Variants in ITGA11 observed in about 807,000 individuals in gnomAD.
ITGA11 encodes integrin subunit alpha 11.
A neutral mutation model predicts 141.9 loss-of-function variants in ITGA11; 97 were observed. The ratio of observed to expected loss-of-function variants is 0.68; its 90% CI spans 0.58 to 0.81. ITGA11 has a LOEUF of 0.81. ITGA11 is among the 30% of genes least tolerant of loss of function. The pLI, the probability that ITGA11 is intolerant of heterozygous loss-of-function variation, is 0.00. For synonymous variants in ITGA11, 658 were observed against 624.6 expected (o/e 1.05, Z -0.80); for missense variants, 1,387 against 1,559.2 (o/e 0.89, Z 1.86).
At chr15:68,379,108 C>A (rs1895798376) in intron 2 of ITGA11, among the ~76,000 whole-genome samples, 1 of 152,216 alleles carries the variant, frequency 6.6e-6, no homozygotes, top group African/African-American at 2.4e-5. Flanking sequence ...AGCACCCCTC[C>A]CCATCTCACA....
intron 3 of ITGA11, among the ~76,000 whole-genome samples, chr15:68,366,742 G>A (rs192342761): frequency 6.6e-6 from 1 of 152,118 alleles, no homozygotes; most frequent in Non-Finnish European, 1.5e-5. Context: ...TCTGGGTGAG[G>A]GTCCCGGGCC....
intron 2 of ITGA11, among the ~76,000 whole-genome samples, chr15:68,401,696 G>A (rs1179664519): frequency 6.6e-6 from 1 of 152,116 alleles, no homozygotes; most frequent in Non-Finnish European, 1.5e-5. Context: ...AGGGGCACTG[G>A]CTGGGGCGGG....
At position 68,300,998 on chromosome 15, in the gene ITGA11, C is replaced by A. The variant is rs544221462; in HGVS notation, c.*2061G>T. On this transcript the variant is annotated 3_prime_UTR_variant, in exon 30 of 30. Transcript: ENST00000315757. ...CATTAATTCTCATTTAGCCAGGTTA[C>A]CCCATTCATAAGAGTGATGACGGAA... 6.6e-6 allele frequency: 1 copy of A among 152,310 alleles called. No individual in the cohort carries two copies. Among genetic ancestry groups the A allele is most frequent in the South Asian group, 2.1e-4 (1 of 4,818 alleles). 9.4% of individuals were successfully genotyped at this position (152,310 alleles called of 1,614,324 possible).
At position 68,324,877 on chromosome 15, in the gene ITGA11, T is replaced by C. The variant is rs994380918; in HGVS notation, c.2322+254A>G. On this transcript the variant is annotated intron_variant, in intron 18 of 29. Transcript: ENST00000315757. This position sits in a 1 kb window ranked among gnomAD's most constrained non-coding sequence, Gnocchi z 6.3. ...GTGCTCACCCTGTGCTCCCCTGTGC[T>C]GGGGATACGGGGAAACTTGAACAGG... 6.6e-6 allele frequency among the ~76,000 whole-genome samples: 1 copy of C among 152,134 alleles called. No individual in the cohort carries two copies. The highest frequency in any genetic ancestry group is 2.4e-5 in the African/African-American group (1 of 41,408).
intron 10 of ITGA11, among the ~76,000 whole-genome samples, chr15:68,344,239 G>A (rs1291556532): frequency 6.6e-6 from 1 of 152,098 alleles, no homozygotes; most frequent in Non-Finnish European, 1.5e-5. Context: ...AGACCATCTT[G>A]ACTGCCCGCC....
chr15:68,343,004 TC>T (rs1183360429), intron 10 of ITGA11, among the ~76,000 whole-genome samples: 22 of 23,558 alleles, frequency 9.3e-4, no homozygotes, highest in African/African-American at 2.5e-3. Flanking sequence ...TTCTTCTCTC[TC>T]TCTCTCTCTC....
At chr15:68,386,557 A>C (rs1157944030) in intron 2 of ITGA11, among the ~76,000 whole-genome samples, 1 of 152,100 alleles carries the variant, frequency 6.6e-6, no homozygotes, top group Non-Finnish European at 1.5e-5. Flanking sequence ...GAGGCTTAAA[A>C]TGCTCCCTTT....
chr15:68,357,450 C>T (rs1337442258), intron 6 of ITGA11, among the ~76,000 whole-genome samples, 151 bp from the exon 7 acceptor site: 1 of 151,970 alleles, frequency 6.6e-6, no homozygotes, highest in African/African-American at 2.4e-5. Context: ...TAACCACAGC[C>T]AAAGGGAAGT....
chr15:68,396,773 GT>G (rs889674469), intron 2 of ITGA11, among the ~76,000 whole-genome samples: 6 of 146,714 alleles, frequency 4.1e-5, no homozygotes, highest in African/African-American at 1.5e-4. Flanking sequence ...TTATGTACTA[GT>G]AAAAAAGATT....
intron 10 of ITGA11, among the ~76,000 whole-genome samples, chr15:68,347,764 T>C (rs1037973464): frequency 2.0e-5 from 3 of 152,196 alleles, no homozygotes; most frequent in Non-Finnish European, 4.4e-5. Context: ...ATGTGTAAAC[T>C]AGGAACAAGG....
intron 1 of ITGA11, among the ~76,000 whole-genome samples, chr15:68,417,652 G>A (rs79087530): frequency 0.019 from 2,871 of 151,984 alleles, 60 homozygotes; most frequent in African/African-American, 0.054. Flanking sequence ...CAGGCCCTGC[G>A]GATTTGCTTT....
At chr15:68,317,151 C>T in intron 21 of ITGA11, 114 bp downstream of exon 21, 3 of 762,638 alleles carry the variant, frequency 3.9e-6, no homozygotes, top group Middle Eastern at 4.6e-4. Flanking sequence ...CTCAGGCCTC[C>T]CATCCCTCCC....
intron 2 of ITGA11, among the ~76,000 whole-genome samples, chr15:68,375,026 C>G (rs1364920885): frequency 6.6e-6 from 1 of 152,162 alleles, no homozygotes; most frequent in Non-Finnish European, 1.5e-5. Context: ...GTTTCACAGC[C>G]AGGACTCCTC....
intron 1 of ITGA11, among the ~76,000 whole-genome samples, chr15:68,407,098 G>A (rs1180675921): frequency 6.6e-6 from 1 of 152,104 alleles, no homozygotes; most frequent in South Asian, 2.1e-4. Context: ...GAGGGTCTCC[G>A]CTTCCTGCCC....
chr15:68,386,628 C>T (rs983356928), intron 2 of ITGA11, among the ~76,000 whole-genome samples: 2 of 152,294 alleles, frequency 1.3e-5, no homozygotes, highest in African/African-American at 2.4e-5. Context: ...ACCGAGGCTC[C>T]GGTCAGTTCT....
intron 2 of ITGA11, among the ~76,000 whole-genome samples, chr15:68,389,405 G>A (rs148938320): frequency 0.013 from 1,934 of 152,314 alleles, 43 homozygotes; most frequent in African/African-American, 0.043. Context: ...GGCCAGCAGC[G>A]TGTCTGGGGA....
chr15:68,373,667 G>T (rs1229020490), intron 2 of ITGA11, among the ~76,000 whole-genome samples: 1 of 152,172 alleles, frequency 6.6e-6, no homozygotes, highest in Admixed American at 6.5e-5. Flanking sequence ...GAGTCAGGGT[G>T]GGACAAAGAC....
intron 10 of ITGA11, among the ~76,000 whole-genome samples, chr15:68,345,785 G>A (rs1894726553): frequency 6.6e-6 from 1 of 152,186 alleles, no homozygotes; most frequent in African/African-American, 2.4e-5. Context: ...GATCCCCAGA[G>A]AGGCCTAACT....
intron 11 of ITGA11, among the ~76,000 whole-genome samples, chr15:68,338,443 G>A (rs1894443573): frequency 6.6e-6 from 1 of 152,206 alleles, no homozygotes. Context: ...AACTGCAGGT[G>A]CTATGCAATT....
Sources: allele counts gnomAD v4.1 joint callset (sites outside exome capture counted in the v4.1 genomes callset), GRCh38; gene constraint gnomAD v4.1.1; non-coding constraint Gnocchi (gnomAD v3.1); transcripts MANE v1.5; gene names NCBI Gene and HGNC (gene_info 2026-07-23, HGNC 2026-07-21).